The following NPAT variants were observed in gnomAD, a reference collection of about 807,000 sequenced individuals.
NPAT encodes nuclear protein, coactivator of histone transcription, also known as protein NPAT.
Under a neutral mutation model 130.7 loss-of-function variants are expected in NPAT, and 52 were observed. That is an observed-to-expected ratio of 0.40 (90% CI 0.32 to 0.50). The LOEUF (loss-of-function observed/expected upper bound fraction) is 0.50, where lower values mean the gene tolerates loss of function less well. Among genes scored for constraint, NPAT ranks in the 20% least tolerant of loss-of-function variants. The pLI is 0.68. For missense variants in NPAT, 1,687 were observed against 1,662.6 expected (o/e 1.01, Z -0.26); for synonymous variants, 580 against 584.8 (o/e 0.99, Z 0.12).
At chr11:108,220,446 A>G (rs1339574854) in intron 1 of NPAT, among the ~76,000 whole-genome samples, 2 of 152,210 alleles carry the variant, frequency 1.3e-5, no homozygotes, top group Non-Finnish European at 2.9e-5. Context: ...GAATTTAAAA[A>G]AAACCTAATT....
intron 10 of NPAT, among the ~76,000 whole-genome samples, chr11:108,178,137 T>C (rs958148200): frequency 6.6e-6 from 1 of 152,216 alleles, no homozygotes; most frequent in Admixed American, 6.5e-5. Context: ...GGGTTCTTCA[T>C]GTAAAATGCT....
At chr11:108,207,276 G>A (rs1037895583) in intron 1 of NPAT, among the ~76,000 whole-genome samples, 1 of 152,220 alleles carries the variant, frequency 6.6e-6, no homozygotes, top group Admixed American at 6.5e-5. Context: ...ATGGGTGGGT[G>A]CAGAAAAAGC....
chr11:108,190,517 A>G lies in NPAT; in HGVS notation c.291-17T>C. On this transcript the variant is annotated splice_polypyrimidine_tract_variant and intron_variant, in intron 4 of 17. Transcript: ENST00000278612. ...TGCATGCTCCTAACAAAGAAAACAAAGTAGTTATCCATCAAAAAATGTTTG... is the reference window on the plus strand; with the variant it reads ...TGCATGCTCCTAACAAAGAAAACAAGGTAGTTATCCATCAAAAAATGTTTG... 1 of 1,612,228 alleles carries G rather than the reference A, an allele frequency of 6.2e-7. No individual in the cohort carries two copies. Among genetic ancestry groups the G allele is most frequent in the Middle Eastern group, 1.7e-4 (1 of 6,052 alleles).
Position 108,158,330 on chromosome 11 carries a change from AGT to A in NPAT, c.*610_*611del, listed in dbSNP as rs1044377279. 1.3e-5 allele frequency: 2 copies of A among 152,492 alleles called. No individual in the cohort carries two copies. Among genetic ancestry groups the A allele is most frequent in the African/African-American group, 4.8e-5 (2 of 41,446 alleles). 9.4% of individuals were successfully genotyped at this position (152,492 alleles called of 1,614,324 possible). On this transcript the variant is annotated 3_prime_UTR_variant, in exon 18 of 18. Coordinates refer to ENST00000278612, the MANE Select transcript of NPAT (RefSeq NM_002519.3). ...AGAACAGAGTGATCAGAGTAGGTAA[AGT>A]GTGAAATTCCAGAAATATAATACTT...
At chr11:108,167,195 C>T (rs2077909415) in intron 15 of NPAT, among the ~76,000 whole-genome samples, 1 of 152,118 alleles carries the variant, frequency 6.6e-6, no homozygotes, top group Non-Finnish European at 1.5e-5. Context: ...TTAATTCCCT[C>T]TCTTCAAATC....
At chr11:108,210,417 A>AC (rs1275877836) in intron 1 of NPAT, among the ~76,000 whole-genome samples, 1 of 151,928 alleles carries the variant, frequency 6.6e-6, no homozygotes, top group Non-Finnish European at 1.5e-5. Context: ...AGTGTGTGAC[A>AC]CCTCTTTCTC....
At chr11:108,193,031 G>GA (rs1319265873) in intron 3 of NPAT, among the ~76,000 whole-genome samples, 1 of 152,038 alleles carries the variant, frequency 6.6e-6, no homozygotes, top group Non-Finnish European at 1.5e-5. Context: ...CTTATACACA[G>GA]ACAATGTCAA....
chr11:108,169,599 C>A, intron 15 of NPAT, 145 bp downstream of exon 15: 1 of 684,238 alleles, frequency 1.5e-6, no homozygotes, highest in Non-Finnish European at 2.6e-6. Flanking sequence ...CAGTTGGCTG[C>A]ATTATGACAT....
chr11:108,209,063 T>C (rs1160652290), intron 1 of NPAT, among the ~76,000 whole-genome samples: 1 of 151,706 alleles, frequency 6.6e-6, no homozygotes, highest in African/African-American at 2.4e-5. Flanking sequence ...GCAGATCACC[T>C]GAGGTCAAGA....
chr11:108,184,296 C>T (rs1425240261), intron 10 of NPAT, among the ~76,000 whole-genome samples: 2 of 151,726 alleles, frequency 1.3e-5, no homozygotes, highest in Non-Finnish European at 2.9e-5. Context: ...ATGGTGAAAC[C>T]CCGTCTCTAC....
chr11:108,199,399 GAGGCGAGCGAGGCCCAGGC>G (rs1303581388), intron 1 of NPAT, among the ~76,000 whole-genome samples: 1 of 152,248 alleles, frequency 6.6e-6, no homozygotes, highest in African/African-American at 2.4e-5. Context: ...AATGAGCCTA[GAGGCGAGCGAGGCCCAGGC>G]AGGCGCGCCA....
At position 108,172,962 on chromosome 11, in the gene NPAT, G is replaced by C. The variant is rs759651917; in HGVS notation, c.2022C>G (p.Leu674=). The part of the protein sequence containing the change: ...SSVKEENTIF[L]SLGGNANCEK... Reference sequence around the variant, plus strand: ...CACAGTTAGCATTTCCACCTAAAGAGAGAAAAATAGTATTCTCTTCTTTTA... The same window carrying C: ...CACAGTTAGCATTTCCACCTAAAGACAGAAAAATAGTATTCTCTTCTTTTA... The change falls in exon 13 of 18, where the codon CTC becomes CTG. Residue 674 remains leucine, a synonymous_variant. Transcript: ENST00000278612. 7.4e-6 allele frequency: 12 copies of C among 1,614,086 alleles called. No individual in the cohort carries two copies. The highest frequency in any genetic ancestry group is 1.0e-5 in the Non-Finnish European group (12 of 1,180,030).
chr11:108,189,819 G>T (rs1226220664), intron 5 of NPAT, among the ~76,000 whole-genome samples: 1 of 146,996 alleles, frequency 6.8e-6, no homozygotes, highest in South Asian at 2.1e-4. Context: ...GCAGTGAGCC[G>T]AGATCGCGCC....
At chr11:108,170,102 A>C (rs893867932) in intron 13 of NPAT, 59 bp from the exon 14 acceptor site, 2 of 1,139,740 alleles carry the variant, frequency 1.8e-6, no homozygotes, top group Non-Finnish European at 2.6e-6. Context: ...GCACAAAACA[A>C]ACAAATGTTT....
chr11:108,172,211 T>G lies in NPAT; in HGVS notation c.2773A>C (p.Asn925His). The G allele has an allele frequency of 1.2e-6, 2 of 1,614,066 alleles. No individual in the cohort carries two copies. The highest frequency in any genetic ancestry group is 2.2e-5 in the East Asian group (1 of 44,876). The change falls in exon 13 of 18, where the codon AAC becomes CAC. Residue 925 changes from asparagine (N) to histidine (H), a missense_variant. This residue lies in a region of NPAT where 1,379 missense variants were observed against 1,346.6 expected (regional missense o/e 1.02). Coordinates refer to ENST00000278612, the MANE Select transcript of NPAT (RefSeq NM_002519.3). ...VFAVNQAVSP[N>H]FSQGSAIIIA... ...TTATTAAAGTTACCTTGTGAAAAGT[T>G]TGGTGACACAGCTTGGTTGACAGCA...
At chr11:108,220,009 A>C (rs2078468920) in intron 1 of NPAT, among the ~76,000 whole-genome samples, 1 of 152,226 alleles carries the variant, frequency 6.6e-6, no homozygotes, top group Non-Finnish European at 1.5e-5. Context: ...TACATACAAG[A>C]ATTTTCAAAG....
Position 108,173,438 on chromosome 11 carries a change from C to T in NPAT, c.1546G>A (p.Gly516Ser), listed in dbSNP as rs1259824082. The change falls in exon 13 of 18, where the codon GGT becomes AGT. Residue 516 changes from glycine to serine, a missense_variant. Around this residue, in one of 3 missense-constraint regions of NPAT, gnomAD observed 1,379 missense variants for 1,346.6 expected, o/e 1.02. Transcript: ENST00000278612. The part of the protein sequence containing the change: ...DIPITSFVSL[G>S]CEANNENLIL... ...AAGTTTTCATTGTTAGCTTCACAAC[C>T]AAGTGAAACAAATGAAGTTATTGGT... The T allele has an allele frequency of 1.9e-6, 3 of 1,614,094 alleles. No individual in the cohort carries two copies. The South Asian group carries it at 3.3e-5, about 18-fold the overall frequency.
intron 1 of NPAT, among the ~76,000 whole-genome samples, chr11:108,222,000 G>A (rs1160636328): frequency 6.6e-6 from 1 of 152,188 alleles, no homozygotes; most frequent in Non-Finnish European, 1.5e-5. Context: ...GGAGGATGGA[G>A]AAGGAAGATC....
chr11:108,213,897 T>A (rs1411995224), intron 1 of NPAT, among the ~76,000 whole-genome samples: 2 of 152,140 alleles, frequency 1.3e-5, no homozygotes, highest in Non-Finnish European at 2.9e-5. Context: ...GTCAGTTTAT[T>A]TTTTTTCAGA....
Sources: gnomAD v4.1 joint callset for allele counts (sites outside exome capture counted in the v4.1 genomes callset) on GRCh38, gnomAD v4.1.1 for gene constraint, gnomAD v4.1.1 regional missense constraint, MANE v1.5 for transcripts, NCBI Gene and HGNC (gene_info 2026-07-23, HGNC 2026-07-21) for gene names.